The following SI variants were observed in gnomAD, a reference collection of about 807,000 sequenced individuals.
The protein encoded by SI is sucrase-isomaltase, intestinal.
Under a neutral mutation model 253.3 loss-of-function variants are expected in SI, and 235 were observed. The observed-to-expected ratio is 0.93, with a 90% CI of 0.83 to 1.03. The LOEUF (loss-of-function observed/expected upper bound fraction) is 1.03. SI is among the 50% of genes least tolerant of loss of function. The pLI is 0.00. For synonymous variants in SI, 819 were observed against 712.0 expected (o/e 1.15, Z -2.39); for missense variants, 2,442 against 2,211.1 (o/e 1.10, Z -2.09).
At chr3:164,997,099 A>G (rs995368236) in intron 38 of SI, among the ~76,000 whole-genome samples, 1 of 151,764 alleles carries the variant, frequency 6.6e-6, no homozygotes, top group Non-Finnish European at 1.5e-5. Flanking sequence ...GAAAATAAAT[A>G]TGCTATTTCT....
chr3:165,062,658 C>G (rs1714044304), intron 8 of SI, among the ~76,000 whole-genome samples, 175 bp from the exon 9 acceptor site: 1 of 151,728 alleles, frequency 6.6e-6, no homozygotes, highest in African/African-American at 2.4e-5. Context: ...AGTAAAACGC[C>G]AACATGTCTG....
chr3:165,002,711 T>A (rs1039083045), intron 37 of SI, among the ~76,000 whole-genome samples: 1 of 151,792 alleles, frequency 6.6e-6, no homozygotes, highest in Non-Finnish European at 1.5e-5. Flanking sequence ...TCTTTATACA[T>A]GTAATTAATT....
At position 165,067,469 on chromosome 3, in the gene SI, C is replaced by G. The variant is rs1351473418; in HGVS notation, c.506G>C (p.Arg169Thr). ...RFKITDPNNR[R>T]YEVPHQYVKE... ...TACATACTGATGAGGAACTTCATAT[C>G]TTCTATTATTTGGATCAGTAATCTG... is the stretch of plus-strand genomic sequence containing the variant. Residue 169 changes from arginine (R) to threonine (T), a missense_variant, in exon 6 of 48, where the codon AGA becomes ACA. Arg to Thr is a moderately conservative substitution (Grantham distance 71). Coordinates refer to ENST00000264382, the MANE Select transcript of SI (RefSeq NM_001041.4). The G allele has an allele frequency of 1.9e-6, 3 of 1,610,018 alleles. No individual in the cohort carries two copies. The highest frequency in any genetic ancestry group is 2.7e-5 in the African/African-American group (2 of 74,762).
At chr3:165,089,351 C>T in the SI span, among the ~76,000 whole-genome samples, 2 of 151,942 alleles carry the variant, frequency 1.3e-5, no homozygotes, top group Admixed American at 6.6e-5. Flanking sequence ...CCCAAATGCC[C>T]CACTGAGGTG....
intron 13 of SI, among the ~76,000 whole-genome samples, chr3:165,051,255 T>A (rs1437471546): frequency 6.6e-6 from 1 of 152,060 alleles, no homozygotes; most frequent in African/African-American, 2.4e-5. Context: ...TAAGGAAATT[T>A]GATACATGGA....
chr3:165,077,064 T>C (rs1024435405), intron 1 of SI, among the ~76,000 whole-genome samples: 2 of 150,724 alleles, frequency 1.3e-5, no homozygotes. Context: ...CCTAAACACC[T>C]TTTTTTCCTT....
chr3:165,070,915 C>T (rs765933165), intron 3 of SI, among the ~76,000 whole-genome samples: 27 of 151,956 alleles, frequency 1.8e-4, no homozygotes, highest in Non-Finnish European at 3.4e-4. Flanking sequence ...ATAATTCTCC[C>T]TTGTCTCTCT....
intron 34 of SI, among the ~76,000 whole-genome samples, chr3:165,011,048 T>C (rs1718746111): frequency 6.6e-6 from 1 of 152,174 alleles, no homozygotes; most frequent in Admixed American, 6.6e-5. Context: ...TGTAAATTCA[T>C]CTGGCTAAAA....
chr3:165,011,053 C>A (rs542366553), intron 34 of SI, among the ~76,000 whole-genome samples: 24 of 152,228 alleles, frequency 1.6e-4, no homozygotes, highest in African/African-American at 5.3e-4. Context: ...ATTCATCTGG[C>A]TAAAAGAAGG....
intron 16 of SI, among the ~76,000 whole-genome samples, chr3:165,046,400 CG>C (rs67741225): frequency 0.58 from 87,847 of 151,632 alleles, 25,830 homozygotes; most frequent in East Asian, 0.81. Context: ...AAATTTTAAA[CG>C]TTTTTTTCTG....
intron 12 of SI, among the ~76,000 whole-genome samples, chr3:165,057,026 G>T (rs893219702): frequency 1.8e-4 from 28 of 152,016 alleles, no homozygotes; most frequent in Non-Finnish European, 2.9e-4. Flanking sequence ...GAAAGACAGA[G>T]ATGTGTGAAC....
At chr3:164,984,029 C>T (rs73018876) in intron 45 of SI, among the ~76,000 whole-genome samples, 29,919 of 151,780 alleles carry the variant, frequency 0.2, 4,307 homozygotes, top group African/African-American at 0.41. Context: ...TTATTCCCAC[C>T]GTATAGAAGA....
rs775066014 is a variant in SI, at chr3:165,032,653, C to G, written c.2605G>C (p.Glu869Gln). The G allele has an allele frequency of 5.0e-6, 8 of 1,607,298 alleles. No individual in the cohort carries two copies. Among genetic ancestry groups the G allele is most frequent in the Non-Finnish European group, 6.8e-6 (8 of 1,175,276 alleles). ...DIVCTHSSYQ[E>Q]GTTLAFQTVK... Reference sequence around the variant, plus strand: ...GTCTGAAATGCTAAGGTAGTTCCTTCCTGATATGATGAATGTGTGCACACA... The same window carrying G: ...GTCTGAAATGCTAAGGTAGTTCCTTGCTGATATGATGAATGTGTGCACACA... The change falls in exon 24 of 48, where the codon GAA (glutamate) becomes CAA (glutamine). Residue 869 changes from glutamate to glutamine, a missense_variant. Transcript: ENST00000264382.
At chr3:165,076,401 CACA>C (rs139132167) in intron 1 of SI, among the ~76,000 whole-genome samples, 34,028 of 151,466 alleles carry the variant, frequency 0.22, 4,492 homozygotes, top group Middle Eastern at 0.33. Context: ...TCTCAATTCT[CACA>C]ACAATTCTAT....
At chr3:164,980,107 A>G (rs1030023043) in intron 47 of SI, among the ~76,000 whole-genome samples, 1 of 151,860 alleles carries the variant, frequency 6.6e-6, no homozygotes, top group Admixed American at 6.6e-5. Context: ...GTTTGGATTC[A>G]GTCATCAAAT....
intron 25 of SI, among the ~76,000 whole-genome samples, chr3:165,028,883 C>A (rs1712069789): frequency 1.3e-5 from 2 of 150,746 alleles, no homozygotes; most frequent in African/African-American, 2.4e-5. Flanking sequence ...ATTTGATGAC[C>A]AAAAACAAAA....
intron 22 of SI, among the ~76,000 whole-genome samples, chr3:165,035,333 T>C (rs763308744): frequency 9.2e-5 from 14 of 152,094 alleles, no homozygotes; most frequent in Non-Finnish European, 1.8e-4. Flanking sequence ...ATGATACAAG[T>C]AATTCATAGC....
At chr3:165,028,404 A>C (rs1032999553) in intron 25 of SI, among the ~76,000 whole-genome samples, 1 of 151,280 alleles carries the variant, frequency 6.6e-6, no homozygotes, top group Admixed American at 6.6e-5. Flanking sequence ...TCATCAAAAC[A>C]CCATCATTAT....
intron 5 of SI, 49 bp downstream of exon 5, chr3:165,068,673 C>T (rs767832503): frequency 7.4e-7 from 1 of 1,358,018 alleles, no homozygotes; most frequent in African/African-American, 1.4e-5. Flanking sequence ...GCGCCCAGCC[C>T]ATCAAATGTC....
Sources: gnomAD v4.1 joint callset for allele counts (sites outside exome capture counted in the v4.1 genomes callset) on GRCh38, gnomAD v4.1.1 for gene constraint, MANE v1.5 for transcripts, NCBI Gene and HGNC (gene_info 2026-07-23, HGNC 2026-07-21) for gene names.